The following TANC2 variants were observed in gnomAD, a reference collection of about 807,000 sequenced individuals.
The protein encoded by TANC2 is tetratricopeptide repeat, ankyrin repeat and coiled-coil containing 2, also known as protein TANC2.
In TANC2, 26 loss-of-function variants were observed where a neutral mutation model predicts 210.5. That is an observed-to-expected ratio of 0.12 (90% CI 0.09 to 0.17). The LOEUF (loss-of-function observed/expected upper bound fraction) is 0.17, where lower values mean the gene tolerates loss of function less well. TANC2 is among the 10% of genes least tolerant of loss of function. TANC2 has a pLI of 1.00. For missense variants in TANC2, 2,129 were observed against 2,608.9 expected (o/e 0.82, Z 4.01); for synonymous variants, 931 against 967.1 (o/e 0.96, Z 0.69).
chr17:63,020,047 C>T (rs1049511186), intron 2 of TANC2, among the ~76,000 whole-genome samples: 26 of 152,354 alleles, frequency 1.7e-4, no homozygotes, highest in African/African-American at 5.3e-4. Flanking sequence ...CTGGCTCAGC[C>T]TCCCCAGTAG....
chr17:63,242,400 A>G (rs2042798396), intron 8 of TANC2, among the ~76,000 whole-genome samples: 1 of 151,850 alleles, frequency 6.6e-6, no homozygotes, highest in African/African-American at 2.4e-5. Flanking sequence ...CTATATATAT[A>G]AAACATTATA....
intron 7 of TANC2, among the ~76,000 whole-genome samples, chr17:63,205,835 GA>G (rs2041692555): frequency 6.6e-6 from 1 of 151,998 alleles, no homozygotes; most frequent in South Asian, 2.1e-4. Context: ...TTGAAGCCGG[GA>G]AGCAGAGGTG....
At chr17:62,986,865 A>G (rs2032593403) in intron 1 of TANC2, among the ~76,000 whole-genome samples, 1 of 151,864 alleles carries the variant, frequency 6.6e-6, no homozygotes, top group African/African-American at 2.4e-5. Context: ...CTCAGGCCTG[A>G]GGCATGGTTG....
At chr17:63,375,016 AAG>A (rs1367756811) in intron 14 of TANC2, among the ~76,000 whole-genome samples, 1 of 152,276 alleles carries the variant, frequency 6.6e-6, no homozygotes, top group African/African-American at 2.4e-5. Flanking sequence ...ATTTAAAAAA[AAG>A]AGAGAGAGAT....
At chr17:63,393,385 T>C (rs1226847934) in intron 17 of TANC2, 2 of 152,192 alleles carry the variant, frequency 1.3e-5, no homozygotes, top group Non-Finnish European at 2.9e-5. Context: ...ACTGACCATA[T>C]ATCAGTGATG....
chr17:63,348,419 A>G (rs1469596293), intron 12 of TANC2, among the ~76,000 whole-genome samples: 1 of 152,172 alleles, frequency 6.6e-6, no homozygotes, highest in African/African-American at 2.4e-5. Context: ...AAGGATTTTA[A>G]AGGGCTTGGG....
rs576544324 is a variant in TANC2 at position 63,146,401 on chromosome 17, C to A, written c.323-4869C>A. ...GCCTTGTATTTCTTTTTCTTGCCTG[C>A]ACAAACATTTTTATTTTCCTACCAC... On this transcript the variant is annotated intron_variant, in intron 4 of 27. Transcript: ENST00000689528. Among the ~76,000 whole-genome samples the A allele has an allele frequency of 1.6e-4, 24 of 152,174 alleles. No homozygotes were observed. In the South Asian group the frequency reaches 5.0e-3, roughly 32 times the overall value.
chr17:63,348,575 A>G (rs939171776), intron 12 of TANC2, among the ~76,000 whole-genome samples: 4 of 152,208 alleles, frequency 2.6e-5, no homozygotes, highest in Non-Finnish European at 5.9e-5. Context: ...TTCCATATAT[A>G]TGTATGTAAA....
chr17:63,200,723 T>G (rs776911277), intron 6 of TANC2, 48 bp from the exon 7 acceptor site: 2 of 1,501,098 alleles, frequency 1.3e-6, no homozygotes, highest in Non-Finnish European at 1.8e-6. Flanking sequence ...AAATATACTT[T>G]AACAGCTGAT....
At chr17:63,371,275 G>C (rs1007256144) in intron 14 of TANC2, among the ~76,000 whole-genome samples, 2 of 152,050 alleles carry the variant, frequency 1.3e-5, no homozygotes, top group African/African-American at 4.8e-5. Context: ...GACCAGCCTG[G>C]CTAACATGGT....
At chr17:63,139,992 A>G (rs1449559634) in intron 4 of TANC2, among the ~76,000 whole-genome samples, 1 of 152,162 alleles carries the variant, frequency 6.6e-6, no homozygotes, top group Non-Finnish European at 1.5e-5. Flanking sequence ...GCCCCACCTG[A>G]TTATAACTAC....
intron 9 of TANC2, among the ~76,000 whole-genome samples, chr17:63,295,824 A>G (rs1567890836): frequency 1.3e-5 from 2 of 152,186 alleles, no homozygotes; most frequent in African/African-American, 4.8e-5. Flanking sequence ...CTATAAGACT[A>G]ATTAGACTTG....
chr17:63,302,555 T>G (rs984253663), intron 9 of TANC2, among the ~76,000 whole-genome samples: 1 of 150,652 alleles, frequency 6.6e-6, no homozygotes, highest in African/African-American at 2.4e-5. Context: ...TGATCTTTGT[T>G]GGTTTAAAGT....
chr17:63,205,344 CAAA>C (rs1158768609), intron 7 of TANC2, among the ~76,000 whole-genome samples: 3 of 8,070 alleles, frequency 3.7e-4, no homozygotes, highest in African/African-American at 5.3e-4. Flanking sequence ...ACCAAGGAGG[CAAA>C]AAAAAAAAAA....
intron 7 of TANC2, among the ~76,000 whole-genome samples, chr17:63,226,089 CTG>C (rs573764192): frequency 1.2e-4 from 18 of 152,248 alleles, no homozygotes; most frequent in South Asian, 2.1e-4. Flanking sequence ...TCACAAATTA[CTG>C]TGTCACAAAT....
chr17:63,080,574 G>A (rs2036735478), intron 3 of TANC2, among the ~76,000 whole-genome samples: 1 of 152,166 alleles, frequency 6.6e-6, no homozygotes, highest in Non-Finnish European at 1.5e-5. Flanking sequence ...ATGCTGGTGT[G>A]TCAATAGAAC....
chr17:63,364,784 T>G (rs1209518831), intron 14 of TANC2, among the ~76,000 whole-genome samples: 1 of 150,224 alleles, frequency 6.7e-6, no homozygotes, highest in Non-Finnish European at 1.5e-5. Flanking sequence ...AGACCCTGAC[T>G]CTTAAAAAAA....
chr17:63,026,011 G>A (rs2034539862), intron 2 of TANC2, among the ~76,000 whole-genome samples: 1 of 151,158 alleles, frequency 6.6e-6, no homozygotes, highest in African/African-American at 2.4e-5. Flanking sequence ...TCCTACTCGA[G>A]GACTCCTATG....
At chr17:63,395,645 T>G in intron 17 of TANC2, 98 bp from the exon 18 acceptor site, 1 of 1,125,986 alleles carries the variant, frequency 8.9e-7, no homozygotes. Context: ...GAAAGGATGA[T>G]TCTTAGTAGC....
Sources: allele counts gnomAD v4.1 joint callset (sites outside exome capture counted in the v4.1 genomes callset), GRCh38; gene constraint gnomAD v4.1.1; transcripts MANE v1.5; gene names NCBI Gene and HGNC (gene_info 2026-07-23, HGNC 2026-07-21).